PDILT: variants seen among roughly 807,000 people sequenced by gnomAD.
PDILT encodes the protein protein disulfide-isomerase-like protein of the testis.
Under a neutral mutation model 53.7 loss-of-function variants are expected in PDILT, and 43 were observed. That is an observed-to-expected ratio of 0.80 (90% confidence interval 0.63 to 1.03). The LOEUF (loss-of-function observed/expected upper bound fraction) is 1.03. Among genes scored for constraint, PDILT ranks in the 50% least tolerant of loss-of-function variants. PDILT has a pLI of 0.00. For missense variants in PDILT, 727 were observed against 712.3 expected (o/e 1.02, Z -0.24); for synonymous variants, 282 against 274.2 (o/e 1.03, Z -0.28).
chr16:20,359,364 TC>T lies in PDILT; in HGVS notation c.1709del (p.Gly570AspfsTer35). The T allele has an allele frequency of 6.2e-7, 1 of 1,614,120 alleles. No individual in the cohort carries two copies. Among genetic ancestry groups the T allele is most frequent in the Non-Finnish European group, 8.5e-7 (1 of 1,180,020 alleles). On this transcript the variant is annotated frameshift_variant, in exon 12 of 12. Coordinates refer to ENST00000302451, the MANE Select transcript of PDILT (RefSeq NM_174924.2). LOFTEE classifies it high-confidence loss of function. ...TTGGTTTCTTCTTTTGCACTGGAGGTCCCTTTGGCTTAGCCACCACCACCAC... is the reference window on the plus strand; with the variant it reads ...TTGGTTTCTTCTTTTGCACTGGAGGTCCTTTGGCTTAGCCACCACCACCAC... ...EVVVVVAKPK[G>X]PPVQKKKPKV... is the part of the protein sequence containing the mutation.
chr16:20,384,620 A>C, intron 3 of PDILT, 25 bp downstream of exon 3: 1 of 1,613,624 alleles, frequency 6.2e-7, no homozygotes. Flanking sequence ...AGCATGAAAC[A>C]AGTGTGACAC....
chr16:20,385,472 G>A (rs142956006), intron 2 of PDILT, among the ~76,000 whole-genome samples: 10 of 152,260 alleles, frequency 6.6e-5, no homozygotes, highest in East Asian at 1.9e-4. Context: ...TACATGCTGC[G>A]TTCTTATTAC....
chr16:20,387,605 C>G (rs1288124973), intron 2 of PDILT, among the ~76,000 whole-genome samples: 1 of 151,894 alleles, frequency 6.6e-6, no homozygotes, highest in Non-Finnish European at 1.5e-5. Context: ...CTGAGTTACT[C>G]TTTTTCTTTT....
Position 20,369,483 on chromosome 16 carries a change from A to C in PDILT, c.1116+9T>G. ...GTTCTGGATAAACCTTGTCCAAGAA[A>C]AAACCTACTGTGGCATTTTTACTCA... On this transcript the variant is annotated intron_variant, in intron 8 of 11. Coordinates refer to ENST00000302451, the MANE Select transcript of PDILT (RefSeq NM_174924.2). 1 of 1,612,424 alleles carries C rather than the reference A, an allele frequency of 6.2e-7. No individual in the cohort carries two copies. Among genetic ancestry groups the C allele is most frequent in the Non-Finnish European group, 8.5e-7 (1 of 1,178,410 alleles).
In PDILT at chr16:20,384,639, C is replaced by A. The variant is rs1966506590; in HGVS notation, c.409+6G>T. On this transcript the variant is annotated splice_donor_region_variant and intron_variant, in intron 3 of 11. Transcript: ENST00000302451. Reference sequence around the variant, plus strand: ...TGAAACAAGTGTGACACACAAGCACCATTACCTTTGCAGCTGATGGGCTCT... The same window carrying A: ...TGAAACAAGTGTGACACACAAGCACAATTACCTTTGCAGCTGATGGGCTCT... 1 of 1,614,042 alleles carries A rather than the reference C, an allele frequency of 6.2e-7. No homozygotes were observed. Among genetic ancestry groups the A allele is most frequent in the Non-Finnish European group, 8.5e-7 (1 of 1,180,016 alleles).
At chr16:20,361,408 C>T (rs1310514203) in intron 10 of PDILT, among the ~76,000 whole-genome samples, 1 of 152,100 alleles carries the variant, frequency 6.6e-6, no homozygotes, top group African/African-American at 2.4e-5. Flanking sequence ...TGGTCTGGAT[C>T]TCTTGACCTC....
intron 8 of PDILT, among the ~76,000 whole-genome samples, chr16:20,366,820 C>G (rs953980641): frequency 1.3e-5 from 2 of 152,118 alleles, no homozygotes; most frequent in Non-Finnish European, 2.9e-5. Context: ...GAAGAGCCTC[C>G]AGATGTTCTC....
At chr16:20,396,573 G>A (rs907494115) in intron 2 of PDILT, among the ~76,000 whole-genome samples, 6 of 152,144 alleles carry the variant, frequency 3.9e-5, no homozygotes, top group East Asian at 1.9e-4. Flanking sequence ...GGAATCCCTC[G>A]TGCACTCAAA....
chr16:20,372,898 G>A lies in PDILT; in HGVS notation c.822C>T (p.Ile274=). The change falls in exon 7 of 12, where the codon ATC becomes ATT. Residue 274 remains isoleucine, a synonymous_variant. Transcript: ENST00000302451. The part of the protein sequence containing the change: ...ENKDLISELH[I]MSHMLLFVSK... The stretch of plus-strand genomic sequence containing the variant: ...AGACAAACAGCAGCATGTGACTCAT[G>A]ATGTGCAACTCGGAAATCAGATCCT... The A allele has an allele frequency of 6.2e-7, 1 of 1,614,080 alleles. No homozygotes were observed. The highest frequency in any genetic ancestry group is 8.5e-7 in the Non-Finnish European group (1 of 1,179,974).
chr16:20,379,240 T>C (rs1252739522), intron 3 of PDILT, among the ~76,000 whole-genome samples: 1 of 151,850 alleles, frequency 6.6e-6, no homozygotes, highest in Non-Finnish European at 1.5e-5. Context: ...AAGGGCTCAA[T>C]CTTGGCTCAC....
At chr16:20,372,142 AC>A (rs1177453390) in intron 7 of PDILT, among the ~76,000 whole-genome samples, 1 of 152,176 alleles carries the variant, frequency 6.6e-6, no homozygotes, top group African/African-American at 2.4e-5. Context: ...CTTAGGGGAA[AC>A]CTTTGTTTCT....
intron 3 of PDILT, among the ~76,000 whole-genome samples, chr16:20,377,054 G>A (rs909397138): frequency 6.6e-5 from 10 of 152,180 alleles, no homozygotes; most frequent in Admixed American, 2.6e-4. Context: ...GGAGACTAAC[G>A]CAGGAGAATC....
intron 3 of PDILT, among the ~76,000 whole-genome samples, chr16:20,377,798 C>CA (rs1328966887): frequency 3.3e-5 from 5 of 151,650 alleles, no homozygotes; most frequent in African/African-American, 1.2e-4. Flanking sequence ...ACTAAAAATA[C>CA]AAAAAATTAT....
intron 10 of PDILT, among the ~76,000 whole-genome samples, chr16:20,361,150 G>A (rs932278323): frequency 4.0e-5 from 6 of 151,060 alleles, no homozygotes; most frequent in Non-Finnish European, 7.4e-5. Flanking sequence ...GAAGCATCTG[G>A]TACATGGTCA....
At chr16:20,403,779 CCT>C (rs955564140) in intron 1 of PDILT, among the ~76,000 whole-genome samples, 14 of 151,952 alleles carry the variant, frequency 9.2e-5, no homozygotes, top group African/African-American at 3.1e-4. Context: ...TTATCGCCCT[CCT>C]CTCTCTCTCT....
intron 2 of PDILT, among the ~76,000 whole-genome samples, chr16:20,387,335 G>A (rs543279100): frequency 6.6e-6 from 1 of 152,218 alleles, no homozygotes; most frequent in Non-Finnish European, 1.5e-5. Context: ...TTTTAATAAA[G>A]ATGGAAAGAA....
At chr16:20,393,407 G>A (rs570990650) in intron 2 of PDILT, among the ~76,000 whole-genome samples, 1 of 152,220 alleles carries the variant, frequency 6.6e-6, no homozygotes, top group Admixed American at 6.5e-5. Context: ...CACAAGCTTG[G>A]AACTACATTG....
At chr16:20,365,664 G>A in intron 8 of PDILT, 124 bp from the exon 9 acceptor site, 1 of 1,260,572 alleles carries the variant, frequency 7.9e-7, no homozygotes, top group Non-Finnish European at 1.1e-6. Context: ...CCTTAGGAAA[G>A]GGTTTGAAAT....
chr16:20,372,792 C>A lies in PDILT; in HGVS notation c.918+10G>T, dbSNP rs372156921. 3.3e-5 allele frequency: 54 copies of A among 1,613,214 alleles called. No homozygotes were observed. In the East Asian group the frequency reaches 1.2e-3, roughly 35 times the overall value. The stretch of plus-strand genomic sequence containing the variant: ...AGGAGTCCCAGAGAGCAATGGTGCA[C>A]TCTACAAACCTTGTTTTGGAATTCC... On this transcript the variant is annotated intron_variant, in intron 7 of 11. Coordinates refer to ENST00000302451, the MANE Select transcript of PDILT (RefSeq NM_174924.2).
Sources: allele counts gnomAD v4.1 joint callset (sites outside exome capture counted in the v4.1 genomes callset), GRCh38; gene constraint gnomAD v4.1.1; transcripts MANE v1.5; gene names NCBI Gene and HGNC (gene_info 2026-07-23, HGNC 2026-07-21).